The following PMEL variants were observed in gnomAD, a reference collection of about 807,000 sequenced individuals.
The protein encoded by PMEL is premelanosome protein, also known as melanocyte protein PMEL.
A neutral mutation model predicts 64.9 loss-of-function variants in PMEL; 53 were observed. The observed-to-expected ratio is 0.82, with a 90% confidence interval of 0.66 to 1.03. The LOEUF (loss-of-function observed/expected upper bound fraction) is 1.03, where lower values mean the gene tolerates loss of function less well. Among genes scored for constraint, PMEL ranks in the 50% least tolerant of loss-of-function variants. PMEL has a pLI of 0.00. For missense variants in PMEL, 716 were observed against 814.9 expected, an observed-to-expected ratio of 0.88 and a Z score of 1.48; for synonymous variants, 299 against 316.2, an observed-to-expected ratio of 0.95 and a Z score of 0.58.
Position 55,956,052 on chromosome 12 carries a change from C to A in PMEL, c.1471+51G>T, listed in dbSNP as rs11832131. 9.8e-3 allele frequency: 12,922 copies of A among 1,313,290 alleles called. 1,002 individuals carry two copies. In the African/African-American group the frequency reaches 0.17, roughly 17 times the overall value. The allele number at this position is 1,313,290 out of a possible 1,614,324, so 81.4% of individuals were successfully genotyped here. On this transcript the variant is annotated intron_variant, in intron 7 of 10. Transcript: ENST00000548747. ...CAAGGTGTGCTTCCACTGACCAGCC[C>A]TAGGTAGCACACAGCTGCCTCCATC...
intron 10 of PMEL, 139 bp from the exon 11 acceptor site, chr12:55,954,488 G>T: frequency 1.2e-6 from 1 of 811,044 alleles, no homozygotes; most frequent in Non-Finnish European, 2.0e-6. Context: ...TCACCTCCAG[G>T]GTTTACCCTC....
intron 1 of PMEL, among the ~76,000 whole-genome samples, chr12:55,962,792 A>G (rs944473181): frequency 4.0e-5 from 6 of 151,604 alleles, no homozygotes; most frequent in African/African-American, 1.5e-4. Context: ...CGGCCTCCCA[A>G]AGTGCTGGGA....
In PMEL at chr12:55,955,513, C is replaced by A. The variant is rs1592764782; in HGVS notation, c.1713G>T (p.Leu571=). Residue 571 remains leucine (L), a synonymous_variant, in exon 9 of 11, where the codon CTG becomes CTT. Coordinates refer to ENST00000548747, the MANE Select transcript of PMEL (RefSeq NM_001384361.1). ...GSGTYCLNVS[L]ADTNSLAVVS... Reference sequence around the variant, plus strand: ...CCACTGCCAGGCTGTTGGTATCAGCCAGAGACACATTGAGGCAGTATGTCC... The same window carrying A: ...CCACTGCCAGGCTGTTGGTATCAGCAAGAGACACATTGAGGCAGTATGTCC... 6.2e-7 allele frequency: 1 copy of A among 1,614,150 alleles called. No individual in the cohort carries two copies. Among genetic ancestry groups the A allele is most frequent in the East Asian group, 2.2e-5 (1 of 44,882 alleles).
At chr12:55,956,409 T>TC (rs1888887660) in intron 6 of PMEL, 190 bp from the exon 7 acceptor site, 1 of 542,992 alleles carries the variant, frequency 1.8e-6, no homozygotes, top group Admixed American at 3.2e-5. Flanking sequence ...AGAAAATGAC[T>TC]CCTCCAGAGT....
At position 55,955,275 on chromosome 12, in the gene PMEL, T is replaced by C. The variant is rs1448849608; in HGVS notation, c.1849A>G (p.Arg617Gly). 1.2e-6 allele frequency: 2 copies of C among 1,606,380 alleles called. No homozygotes were observed. The highest frequency in any genetic ancestry group is 4.5e-5 in the East Asian group (2 of 44,842). The change falls in exon 10 of 11, where the codon AGG becomes GGG. Residue 617 changes from arginine to glycine, a missense_variant and splice_region_variant. By Grantham distance (125) the Arg-to-Gly change is moderately radical (BLOSUM62 -2). Coordinates refer to ENST00000548747, the MANE Select transcript of PMEL (RefSeq NM_001384361.1). ...TGAGCTGTGTGATGAGGCCCTTACC[T>C]ATATATCAGAGATGCAAGGACCACA... ...MAVVLASLIY[R>G]RRLMKQDFSV...
chr12:55,959,276 T>G (rs1239009049), intron 3 of PMEL, among the ~76,000 whole-genome samples: 2 of 151,614 alleles, frequency 1.3e-5, no homozygotes, highest in African/African-American at 2.4e-5. Flanking sequence ...TTCCAGCTAC[T>G]CCAGGGGCTG....
chr12:55,961,901 A>T (rs1312762481), intron 1 of PMEL, among the ~76,000 whole-genome samples, 169 bp from the exon 2 acceptor site: 12 of 144,222 alleles, frequency 8.3e-5, no homozygotes, highest in African/African-American at 3.1e-4. Context: ...CAATGGCATG[A>T]TCTCGGCTCA....
intron 1 of PMEL, among the ~76,000 whole-genome samples, chr12:55,962,577 G>A (rs1167889623): frequency 3.5e-5 from 4 of 115,424 alleles, no homozygotes; most frequent in Admixed American, 1.2e-4. Context: ...AGGCTGGAAT[G>A]CAGTGGCGTG....
chr12:55,959,252 G>C (rs552478985), intron 3 of PMEL, among the ~76,000 whole-genome samples: 190 of 151,848 alleles, frequency 1.3e-3, no homozygotes, highest in Admixed American at 4.1e-3. Flanking sequence ...AGGTGTGGTG[G>C]TATGCACCTG....
chr12:55,961,577 A>G (rs1889103380), intron 2 of PMEL, 45 bp downstream of exon 2: 2 of 1,594,258 alleles, frequency 1.3e-6, no homozygotes, highest in Non-Finnish European at 1.7e-6. Flanking sequence ...TTTTTTCCTC[A>G]TCCCACTCCC....
intron 5 of PMEL, 107 bp from the exon 6 acceptor site, chr12:55,957,778 T>C (rs1172565599): frequency 1.8e-5 from 28 of 1,514,266 alleles, no homozygotes; most frequent in Non-Finnish European, 2.5e-5. Flanking sequence ...TCACTGGCAC[T>C]AAGCCTCACA....
Position 55,957,587 on chromosome 12 carries a change from G to T in PMEL, c.716C>A (p.Thr239Asn). ...NKHFLRNQPLTFALQLHDPSG... is the reference protein window; with the variant it reads ...NKHFLRNQPLNFALQLHDPSG... Reference sequence around the variant, plus strand: ...GGGGTCATGGAGCTGGAGGGCAAAGGTCAGAGGCTGATTTCTCAGGAAGTG... The same window carrying T: ...GGGGTCATGGAGCTGGAGGGCAAAGTTCAGAGGCTGATTTCTCAGGAAGTG... Residue 239 changes from threonine (T) to asparagine (N), a missense_variant, in exon 6 of 11, where the codon ACC (threonine) becomes AAC (asparagine). By Grantham distance (65) the Thr-to-Asn change is moderately conservative. Coordinates refer to ENST00000548747, the MANE Select transcript of PMEL (RefSeq NM_001384361.1). 1.2e-6 allele frequency: 2 copies of T among 1,613,800 alleles called. No individual in the cohort carries two copies. The highest frequency in any genetic ancestry group is 1.7e-6 in the Non-Finnish European group (2 of 1,179,962).
chr12:55,957,888 C>G, intron 5 of PMEL, 35 bp downstream of exon 5: 1 of 1,611,022 alleles, frequency 6.2e-7, no homozygotes, highest in Non-Finnish European at 8.5e-7. Flanking sequence ...CTTCTCTTGC[C>G]CTACAACTGG....
chr12:55,955,175 G>A, intron 10 of PMEL, 99 bp downstream of exon 10: 1 of 912,562 alleles, frequency 1.1e-6, no homozygotes, highest in Non-Finnish European at 1.8e-6. Flanking sequence ...TGGACACCAT[G>A]CTTCCTCAAA....
Position 55,958,478 on chromosome 12 carries a change from G to A in PMEL, c.464C>T (p.Thr155Ile). ...QKRSFVYVWK[T>I]WGQYWQVLGG... Reference sequence around the variant, plus strand: ...CTGAGAAGGGAGTCCCTCACCCCAGGTCTTCCAGACATAAACAAAGCTTCT... The same window carrying A: ...CTGAGAAGGGAGTCCCTCACCCCAGATCTTCCAGACATAAACAAAGCTTCT... Residue 155 changes from threonine (T) to isoleucine (I), a missense_variant, in exon 4 of 11, where the codon ACC becomes ATC. Thr to Ile is a moderately conservative substitution (Grantham distance 89). Coordinates refer to ENST00000548747, the MANE Select transcript of PMEL (RefSeq NM_001384361.1). The A allele has an allele frequency of 6.2e-7, 1 of 1,613,928 alleles. No individual in the cohort carries two copies. The highest frequency in any genetic ancestry group is 8.5e-7 in the Non-Finnish European group (1 of 1,179,924).
intron 3 of PMEL, 33 bp downstream of exon 3, chr12:55,961,284 A>G (rs904614275): frequency 1.6e-5 from 25 of 1,606,604 alleles, no homozygotes; most frequent in Non-Finnish European, 1.9e-5. Flanking sequence ...CCTGAGCCCT[A>G]GGAATAAGGA....
At chr12:55,959,594 C>T (rs974603098) in intron 3 of PMEL, among the ~76,000 whole-genome samples, 4 of 151,924 alleles carry the variant, frequency 2.6e-5, no homozygotes, top group African/African-American at 9.7e-5. Flanking sequence ...CACCTGAGGT[C>T]AGGAGTTCAA....
Position 55,957,439 on chromosome 12 carries a change from G to A in PMEL, c.864C>T (p.Ala288=), listed in dbSNP as rs1295707736. 1 of 1,612,654 alleles carries A rather than the reference G, an allele frequency of 6.2e-7. No individual in the cohort carries two copies. Residue 288 remains alanine, a synonymous_variant, in exon 6 of 11, where the codon GCC becomes GCT. Coordinates refer to ENST00000548747, the MANE Select transcript of PMEL (RefSeq NM_001384361.1). ...HTYLEPGPVT[A]QVVLQAAIPL... ...GAATGGCAGCCTGCAGGACCACCTG[G>A]GCAGTGACTGGGCCAGGCTCCAGGT...
rs1323870997 is a variant in PMEL at position 55,956,234 on chromosome 12, T to G, written c.1355-15A>C. 1 of 1,542,224 alleles carries G rather than the reference T, an allele frequency of 6.5e-7. No homozygotes were observed. Among genetic ancestry groups the G allele is most frequent in the Non-Finnish European group, 9.0e-7 (1 of 1,115,510 alleles). On this transcript the variant is annotated splice_polypyrimidine_tract_variant and intron_variant, in intron 6 of 10. Coordinates refer to ENST00000548747, the MANE Select transcript of PMEL (RefSeq NM_001384361.1). ...GCCCAGGGAACCTGGCAGGAGAGGA[T>G]CAAGGAGGCAAGATCAAGAGACAGA...
Sources: gnomAD v4.1 joint callset for allele counts (sites outside exome capture counted in the v4.1 genomes callset) on GRCh38, gnomAD v4.1.1 for gene constraint, MANE v1.5 for transcripts, NCBI Gene and HGNC (gene_info 2026-07-23, HGNC 2026-07-21) for gene names.